MAP2: variants seen among roughly 807,000 people sequenced by gnomAD.
MAP2 encodes microtubule-associated protein 2.
Under a neutral mutation model 137.6 loss-of-function variants are expected in MAP2, and 14 were observed. The ratio of observed to expected loss-of-function variants is 0.10; its 90% CI spans 0.07 to 0.16. MAP2 has a LOEUF of 0.16. MAP2 is among the 10% of genes least tolerant of loss of function. The pLI, the probability that MAP2 is intolerant of heterozygous loss-of-function variation, is 1.00. For missense variants in MAP2, 2,088 were observed against 2,191.5 expected, an observed-to-expected ratio of 0.95 and a Z score of 0.94; for synonymous variants, 786 against 782.3, an observed-to-expected ratio of 1.00 and a Z score of -0.08.
intron 1 of MAP2, among the ~76,000 whole-genome samples, chr2:209,460,580 T>G (rs1028684964): frequency 7.3e-5 from 11 of 151,040 alleles, no homozygotes; most frequent in African/African-American, 2.7e-4. Context: ...CTCTTTCCCT[T>G]CTCTCCTTTT....
chr2:209,444,329 C>T (rs763161196), intron 1 of MAP2, among the ~76,000 whole-genome samples: 2 of 151,464 alleles, frequency 1.3e-5, no homozygotes, highest in African/African-American at 4.8e-5. Flanking sequence ...ATTACTCAGT[C>T]TCAATGAATA....
chr2:209,593,634 A>AAAAAAAT (rs1286103137), intron 3 of MAP2, among the ~76,000 whole-genome samples: 20 of 33,642 alleles, frequency 5.9e-4, no homozygotes, highest in South Asian at 1.3e-3. Context: ...AAAAAAAAAA[A>AAAAAAAT]ATATATATAT....
chr2:209,725,279 C>G (rs1269606478), intron 13 of MAP2, among the ~76,000 whole-genome samples: 1 of 152,194 alleles, frequency 6.6e-6, no homozygotes, highest in Non-Finnish European at 1.5e-5. Context: ...CTTGTTGTAT[C>G]TTAACGTTGG....
chr2:209,536,352 G>T (rs1232575749), intron 2 of MAP2, among the ~76,000 whole-genome samples: 1 of 152,040 alleles, frequency 6.6e-6, no homozygotes, highest in African/African-American at 2.4e-5. Flanking sequence ...CTTCATTTTG[G>T]GCTTGAGCCC....
intron 5 of MAP2, among the ~76,000 whole-genome samples, chr2:209,667,203 A>T (rs1346781696): frequency 1.3e-5 from 2 of 151,950 alleles, no homozygotes; most frequent in Non-Finnish European, 2.9e-5. Context: ...ATCACCTTCT[A>T]GTTGTTTTCA....
At chr2:209,512,883 G>A (rs1474036760) in intron 2 of MAP2, among the ~76,000 whole-genome samples, 3 of 152,056 alleles carry the variant, frequency 2.0e-5, no homozygotes, top group African/African-American at 7.2e-5. Context: ...CTGACATGAA[G>A]TGACCCTCCT....
At chr2:209,730,070 G>T in intron 15 of MAP2, 108 bp downstream of exon 15, 1 of 1,145,564 alleles carries the variant, frequency 8.7e-7, no homozygotes, top group Non-Finnish European at 1.3e-6. Context: ...ATAAGAAGTG[G>T]GGATAACAGA....
Position 209,693,262 on chromosome 2 carries a change from T to A in MAP2, c.1092T>A (p.Asp364Glu). 8 of 1,613,974 alleles carry A rather than the reference T, an allele frequency of 5.0e-6. No homozygotes were observed. The highest frequency in any genetic ancestry group is 6.8e-6 in the Non-Finnish European group (8 of 1,179,986). ...QQTSGPATAK[D>E]SFKIEEPHEA... Reference sequence around the variant, plus strand: ...CCAGTGGCCCAGCTACTGCCAAAGATAGTTTTAAAATTGAAGAGCCCCATG... The same window carrying A: ...CCAGTGGCCCAGCTACTGCCAAAGAAAGTTTTAAAATTGAAGAGCCCCATG... The change falls in exon 8 of 16, where the codon GAT (aspartate) becomes GAA (glutamate). Residue 364 changes from aspartate (D) to glutamate (E), a missense_variant. Transcript: ENST00000682079.
chr2:209,596,665 A>G (rs1415229801), intron 3 of MAP2, among the ~76,000 whole-genome samples: 2 of 152,196 alleles, frequency 1.3e-5, no homozygotes, highest in African/African-American at 4.8e-5. Flanking sequence ...AGAAAATCAT[A>G]TTTATTGATG....
chr2:209,513,302 T>C (rs973204647), intron 2 of MAP2, among the ~76,000 whole-genome samples: 2 of 152,148 alleles, frequency 1.3e-5, no homozygotes, highest in Admixed American at 1.3e-4. Flanking sequence ...CTTATAGACT[T>C]GTTATGCTTC....
Position 209,710,393 on chromosome 2 carries a change from T to C in MAP2, c.5073+139T>C, listed in dbSNP as rs193076185. On this transcript the variant is annotated intron_variant, in intron 13 of 15. Coordinates refer to ENST00000682079, the MANE Select transcript of MAP2 (RefSeq NM_001375505.1). ...ACAATTTATTGCTAAGAGTTTGGAC[T>C]TTACATTAGGAAGATAGCCTCTGAA... The C allele has an allele frequency of 2.9e-5, 21 of 725,800 alleles. No individual in the cohort carries two copies. In the African/African-American group the frequency reaches 3.7e-4, roughly 13 times the overall value. 45.0% of individuals were successfully genotyped at this position (725,800 alleles called of 1,614,324 possible). A position where few individuals can be genotyped will look rare whatever the true frequency, so the allele number is the denominator to read the frequency against.
At chr2:209,591,677 G>C (rs1440070634) in intron 3 of MAP2, among the ~76,000 whole-genome samples, 1 of 152,064 alleles carries the variant, frequency 6.6e-6, no homozygotes, top group African/African-American at 2.4e-5. Context: ...ACATCCCAGT[G>C]AAAACCATTT....
intron 5 of MAP2, among the ~76,000 whole-genome samples, chr2:209,675,243 T>C (rs2153672768): frequency 6.6e-6 from 1 of 152,036 alleles, no homozygotes; most frequent in Non-Finnish European, 1.5e-5. Context: ...GGATTATTTT[T>C]TTTAACAACT....
intron 3 of MAP2, among the ~76,000 whole-genome samples, chr2:209,600,306 C>T (rs1447585753): frequency 6.6e-6 from 1 of 152,188 alleles, no homozygotes; most frequent in Non-Finnish European, 1.5e-5. Context: ...ATTACACCAC[C>T]TGAGGCCATT....
intron 5 of MAP2, among the ~76,000 whole-genome samples, 173 bp from the exon 6 acceptor site, chr2:209,678,399 T>G (rs1474512382): frequency 6.6e-6 from 1 of 152,122 alleles, no homozygotes; most frequent in Non-Finnish European, 1.5e-5. Context: ...ACTTCTTTTC[T>G]TCTTCTTTTT....
At chr2:209,556,911 G>T (rs949965657) in intron 2 of MAP2, among the ~76,000 whole-genome samples, 2 of 151,820 alleles carry the variant, frequency 1.3e-5, no homozygotes, top group African/African-American at 4.8e-5. Flanking sequence ...CAAGTATAAT[G>T]CTTATCATTC....
At chr2:209,497,699 G>A (rs1368960757) in intron 1 of MAP2, among the ~76,000 whole-genome samples, 1 of 152,110 alleles carries the variant, frequency 6.6e-6, no homozygotes, top group African/African-American at 2.4e-5. Flanking sequence ...GCAGAAGCAA[G>A]CAATGGAGAG....
intron 14 of MAP2, among the ~76,000 whole-genome samples, chr2:209,728,980 G>A (rs142244566): frequency 1.2e-4 from 19 of 152,340 alleles, no homozygotes; most frequent in Middle Eastern, 3.4e-3. Flanking sequence ...TACATCAGCA[G>A]ACACTCAGAA....
intron 1 of MAP2, among the ~76,000 whole-genome samples, chr2:209,430,139 T>G (rs1693857178): frequency 6.6e-6 from 1 of 150,626 alleles, no homozygotes; most frequent in Non-Finnish European, 1.5e-5. Flanking sequence ...TAGGATTCAG[T>G]TATTCATTCT....
Sources: allele counts gnomAD v4.1 joint callset (sites outside exome capture counted in the v4.1 genomes callset), GRCh38; gene constraint gnomAD v4.1.1; transcripts MANE v1.5; gene names NCBI Gene and HGNC (gene_info 2026-07-23, HGNC 2026-07-21).